ZNF804B: variants seen among roughly 807,000 people sequenced by gnomAD.
ZNF804B encodes zinc finger 804B.
Under a neutral mutation model 101.4 loss-of-function variants are expected in ZNF804B, and 80 were observed. That is an observed-to-expected ratio of 0.79 (90% CI 0.66 to 0.95). The LOEUF (loss-of-function observed/expected upper bound fraction) is 0.95, where lower values mean the gene tolerates loss of function less well. ZNF804B is among the 40% of genes least tolerant of loss of function. The pLI is 0.00. For synonymous variants in ZNF804B, 622 were observed against 558.8 expected, an observed-to-expected ratio of 1.11 and a Z score of -1.59; for missense variants, 1,673 against 1,561.9, an observed-to-expected ratio of 1.07 and a Z score of -1.20.
At chr7:88,866,144 A>G (rs1338974742) in intron 1 of ZNF804B, among the ~76,000 whole-genome samples, 1 of 152,232 alleles carries the variant, frequency 6.6e-6, no homozygotes. Flanking sequence ...TAACCTGGAA[A>G]AAAAGGCCAG....
At chr7:88,813,423 T>TAAAAAAA (rs11431380) in intron 1 of ZNF804B, among the ~76,000 whole-genome samples, 1 of 135,698 alleles carries the variant, frequency 7.4e-6, no homozygotes, top group Non-Finnish European at 1.6e-5. Context: ...AGACTCCATC[T>TAAAAAAA]AAAAAAAAAA....
chr7:89,184,488 A>C (rs1448916635), intron 1 of ZNF804B, among the ~76,000 whole-genome samples: 1 of 146,624 alleles, frequency 6.8e-6, no homozygotes, highest in African/African-American at 2.5e-5. Context: ...GTTAACTTTA[A>C]ATGTCAGTTC....
chr7:89,140,567 T>C (rs998494048), intron 1 of ZNF804B, among the ~76,000 whole-genome samples: 4 of 152,144 alleles, frequency 2.6e-5, no homozygotes, highest in African/African-American at 9.6e-5. Flanking sequence ...CACTTGCTGC[T>C]TCACCTTGCA....
At chr7:88,805,411 G>T (rs1186652992) in intron 1 of ZNF804B, among the ~76,000 whole-genome samples, 1 of 152,114 alleles carries the variant, frequency 6.6e-6, no homozygotes, top group Non-Finnish European at 1.5e-5. Context: ...TAAGCAGATT[G>T]CCTTTAATTT....
chr7:88,955,062 C>T (rs1793283551), intron 1 of ZNF804B, among the ~76,000 whole-genome samples: 1 of 147,168 alleles, frequency 6.8e-6, no homozygotes, highest in Non-Finnish European at 1.5e-5. Context: ...GGAGTTTAAA[C>T]CAGCATGGGC....
intron 2 of ZNF804B, among the ~76,000 whole-genome samples, chr7:89,283,607 T>C (rs989635297): frequency 1.3e-5 from 2 of 152,232 alleles, no homozygotes; most frequent in African/African-American, 4.8e-5. Context: ...CACATTGTAC[T>C]CGGCTTTGCC....
intron 1 of ZNF804B, among the ~76,000 whole-genome samples, chr7:88,778,319 G>A (rs537096229): frequency 5.9e-5 from 9 of 152,192 alleles, no homozygotes; most frequent in South Asian, 4.2e-4. Context: ...CTCATGGTTC[G>A]ATCGGGCCCA....
At chr7:89,061,837 G>A (rs949877976) in intron 1 of ZNF804B, among the ~76,000 whole-genome samples, 4 of 151,968 alleles carry the variant, frequency 2.6e-5, no homozygotes, top group East Asian at 1.9e-4. Flanking sequence ...CACAAACAAC[G>A]AAACTTAGTG....
At chr7:88,794,744 C>A in intron 1 of ZNF804B, 1 of 1,613,426 alleles carries the variant, frequency 6.2e-7, no homozygotes, top group South Asian at 1.1e-5. Context: ...TCATAGTAGT[C>A]AGCAACATCT....
In ZNF804B at chr7:89,157,112, A is replaced by G. The variant is rs542041435; in HGVS notation, c.109-61043A>G. On this transcript the variant is annotated intron_variant, in intron 1 of 3. Transcript: ENST00000333190. Reference sequence around the variant, plus strand: ...CTATTGGTGATACTGTTTATATTTAAGTCAGCAGTAAAATAAGATTTGCTT... The same window carrying G: ...CTATTGGTGATACTGTTTATATTTAGGTCAGCAGTAAAATAAGATTTGCTT... 1.5e-3 allele frequency among the ~76,000 whole-genome samples: 227 copies of G among 152,300 alleles called. 1 individual carries two copies. The highest frequency in any genetic ancestry group is 3.1e-3 in the South Asian group (15 of 4,824).
Position 89,334,172 on chromosome 7 carries a change from G to A in ZNF804B, c.1190G>A (p.Ser397Asn). Reference sequence around the variant, plus strand: ...TCACTGGAGCCAAGTGAACAAAAGAGTACAGTGCATCTGAATCCAAATTCC... The same window carrying A: ...TCACTGGAGCCAAGTGAACAAAAGAATACAGTGCATCTGAATCCAAATTCC... ...FSSLEPSEQK[S>N]TVHLNPNSRI... Residue 397 changes from serine to asparagine, a missense_variant, in exon 4 of 4, where the codon AGT (serine) becomes AAT (asparagine). Coordinates refer to ENST00000333190, the MANE Select transcript of ZNF804B (RefSeq NM_181646.5). 6.2e-7 allele frequency: 1 copy of A among 1,613,496 alleles called. No individual in the cohort carries two copies.
chr7:89,285,548 AGAAGAAGAAGAAG>A (rs1232054856), intron 2 of ZNF804B, among the ~76,000 whole-genome samples: 1 of 88,350 alleles, frequency 1.1e-5, no homozygotes, highest in African/African-American at 5.3e-5. Flanking sequence ...AAAAAAAAAA[AGAAGAAGAAGAAG>A]AAGAAGAAGA....
intron 1 of ZNF804B, among the ~76,000 whole-genome samples, chr7:89,125,421 T>C (rs1790463968): frequency 2.6e-5 from 4 of 151,972 alleles, no homozygotes; most frequent in Admixed American, 2.6e-4. Flanking sequence ...CTTCTTATTT[T>C]TATTATTTTT....
At chr7:88,949,205 T>G (rs1026105346) in intron 1 of ZNF804B, among the ~76,000 whole-genome samples, 3 of 151,874 alleles carry the variant, frequency 2.0e-5, no homozygotes, top group African/African-American at 4.8e-5. Context: ...TTTTGGTGAT[T>G]CTAGTCCAAG....
intron 1 of ZNF804B, among the ~76,000 whole-genome samples, chr7:88,933,174 AAG>A (rs1792915038): frequency 6.6e-6 from 1 of 151,952 alleles, no homozygotes; most frequent in African/African-American, 2.4e-5. Flanking sequence ...ATGTCACATA[AAG>A]AGAATTAAAA....
intron 1 of ZNF804B, among the ~76,000 whole-genome samples, chr7:88,974,402 A>T (rs1192079542): frequency 6.6e-6 from 1 of 151,350 alleles, no homozygotes; most frequent in African/African-American, 2.4e-5. Context: ...AATGATAATT[A>T]TGTGAGGTAA....
chr7:88,922,633 A>C (rs1792735699), intron 1 of ZNF804B, among the ~76,000 whole-genome samples: 1 of 151,562 alleles, frequency 6.6e-6, no homozygotes, highest in Admixed American at 6.6e-5. Context: ...ATATACACAC[A>C]CACTTTTTCT....
At chr7:88,995,868 C>T (rs1311034583) in intron 1 of ZNF804B, among the ~76,000 whole-genome samples, 1 of 151,962 alleles carries the variant, frequency 6.6e-6, no homozygotes, top group Non-Finnish European at 1.5e-5. Flanking sequence ...CTTTATAACC[C>T]TAGCTTAATC....
intron 1 of ZNF804B, among the ~76,000 whole-genome samples, chr7:89,003,030 C>CT (rs66529311): frequency 2.4e-4 from 35 of 147,162 alleles, no homozygotes; most frequent in East Asian, 6.0e-4. Context: ...CAGCTATATA[C>CT]TTTTTTTTTT....
Sources: gnomAD v4.1 joint callset for allele counts (sites outside exome capture counted in the v4.1 genomes callset) on GRCh38, gnomAD v4.1.1 for gene constraint, MANE v1.5 for transcripts, NCBI Gene and HGNC (gene_info 2026-07-23, HGNC 2026-07-21) for gene names.